HCN1: variants seen among roughly 807,000 people sequenced by gnomAD.
HCN1 encodes potassium/sodium hyperpolarization-activated cyclic nucleotide-gated channel 1.
In HCN1, 13 loss-of-function variants were observed where a neutral mutation model predicts 78.9. That is an observed-to-expected ratio of 0.16 (90% confidence interval 0.11 to 0.26). HCN1 has a LOEUF of 0.26. Among genes scored for constraint, HCN1 ranks in the 10% least tolerant of loss-of-function variants. HCN1 has a pLI of 1.00. For synonymous variants in HCN1, 552 were observed against 455.5 expected (o/e 1.21, Z -2.70); for missense variants, 810 against 1,154.3 (o/e 0.70, Z 4.32).
intron 4 of HCN1, among the ~76,000 whole-genome samples, chr5:45,369,034 C>T (rs1296279555): frequency 6.6e-6 from 1 of 151,766 alleles, no homozygotes; most frequent in Non-Finnish European, 1.5e-5. Flanking sequence ...GTTTTGTTGT[C>T]ACTCTTATTT....
chr5:45,298,861 T>G (rs1316896549), intron 6 of HCN1, among the ~76,000 whole-genome samples: 4 of 151,884 alleles, frequency 2.6e-5, no homozygotes, highest in African/African-American at 9.7e-5. Context: ...AAACCCTAAC[T>G]CAAGTTAGAT....
At chr5:45,560,977 T>G (rs187845997) in intron 2 of HCN1, among the ~76,000 whole-genome samples, 1 of 152,124 alleles carries the variant, frequency 6.6e-6, no homozygotes, top group Non-Finnish European at 1.5e-5. Flanking sequence ...ATTCTAAACT[T>G]TTCATATTCA....
chr5:45,683,672 CT>C (rs879673630), intron 1 of HCN1, among the ~76,000 whole-genome samples: 522 of 143,446 alleles, frequency 3.6e-3, no homozygotes, highest in Admixed American at 4.2e-3. Flanking sequence ...TATGTTTTGT[CT>C]TTTTTTTTTT....
At chr5:45,266,704 A>ACTTTTTT (rs1554014620) in intron 7 of HCN1, among the ~76,000 whole-genome samples, 1 of 136,638 alleles carries the variant, frequency 7.3e-6, no homozygotes, top group African/African-American at 2.7e-5. Context: ...GGCATGTGGG[A>ACTTTTTT]TTTTTTTTTT....
chr5:45,374,046 TTA>T (rs1179685673), intron 4 of HCN1, among the ~76,000 whole-genome samples: 74 of 91,230 alleles, frequency 8.1e-4, no homozygotes, highest in Non-Finnish European at 1.1e-3. Context: ...ATAATATATA[TTA>T]TATATATTAT....
At chr5:45,686,816 C>T (rs115576496) in intron 1 of HCN1, among the ~76,000 whole-genome samples, 3,761 of 152,122 alleles carry the variant, frequency 0.025, 70 homozygotes, top group Non-Finnish European at 0.04. Context: ...TTTGCTTTAC[C>T]GCCCCAGTCT....
At chr5:45,573,901 A>AT (rs1743885518) in intron 2 of HCN1, among the ~76,000 whole-genome samples, 1 of 152,112 alleles carries the variant, frequency 6.6e-6, no homozygotes, top group Admixed American at 6.6e-5. Flanking sequence ...AAAGATATTT[A>AT]TTTTATGAGA....
chr5:45,644,390 G>A (rs993227508), intron 2 of HCN1: 2 of 152,022 alleles, frequency 1.3e-5, no homozygotes, highest in Non-Finnish European at 2.9e-5. Context: ...TTGAAGATAG[G>A]GATATGAACT....
At chr5:45,302,192 G>C (rs1228550125) in intron 6 of HCN1, among the ~76,000 whole-genome samples, 1 of 152,066 alleles carries the variant, frequency 6.6e-6, no homozygotes, top group Non-Finnish European at 1.5e-5. Context: ...CATGTGTTAA[G>C]GGCGGTGGGA....
intron 3 of HCN1, among the ~76,000 whole-genome samples, chr5:45,431,546 C>A (rs1740463348): frequency 6.6e-6 from 1 of 152,080 alleles, no homozygotes; most frequent in South Asian, 2.1e-4. Context: ...AGGTTATCTT[C>A]CAGGGTCTTT....
chr5:45,688,963 TG>T (rs1739856582), intron 1 of HCN1, among the ~76,000 whole-genome samples: 1 of 152,010 alleles, frequency 6.6e-6, no homozygotes. Context: ...AGAGGATTAG[TG>T]GTTGCTTAAG....
chr5:45,304,924 A>G (rs941135557), intron 5 of HCN1, among the ~76,000 whole-genome samples: 1 of 152,182 alleles, frequency 6.6e-6, no homozygotes, highest in Non-Finnish European at 1.5e-5. Context: ...GGATGAAAAT[A>G]GAAATATGGA....
chr5:45,268,059 A>G (rs767489937), intron 6 of HCN1, among the ~76,000 whole-genome samples: 3 of 152,216 alleles, frequency 2.0e-5, no homozygotes, highest in Non-Finnish European at 4.4e-5. Flanking sequence ...AGAAAGTCCT[A>G]TGATCAAACA....
intron 2 of HCN1, among the ~76,000 whole-genome samples, chr5:45,604,920 G>A (rs1267819355): frequency 2.6e-5 from 4 of 151,964 alleles, no homozygotes; most frequent in African/African-American, 9.7e-5. Context: ...ATACTATTTT[G>A]CTGGTGGGGA....
intron 3 of HCN1, among the ~76,000 whole-genome samples, chr5:45,437,683 T>A (rs1740583863): frequency 1.3e-5 from 2 of 152,210 alleles, no homozygotes; most frequent in Non-Finnish European, 2.9e-5. Flanking sequence ...CTTGGAAGCT[T>A]CCTTGGCTAT....
chr5:45,405,867 T>C (rs893569693), intron 3 of HCN1, among the ~76,000 whole-genome samples: 1 of 152,170 alleles, frequency 6.6e-6, no homozygotes, highest in African/African-American at 2.4e-5. Context: ...TGTCTGATTA[T>C]TTTGAGAGTT....
At chr5:45,505,533 C>G (rs981019263) in intron 2 of HCN1, among the ~76,000 whole-genome samples, 2 of 151,958 alleles carry the variant, frequency 1.3e-5, no homozygotes, top group Non-Finnish European at 2.9e-5. Context: ...AGTCAGGTAG[C>G]GTGATGCCTC....
intron 4 of HCN1, among the ~76,000 whole-genome samples, chr5:45,377,408 T>C (rs1028077795): frequency 1.3e-5 from 2 of 152,024 alleles, no homozygotes; most frequent in South Asian, 4.1e-4. Context: ...ATGTGTTTAT[T>C]AAAAATGATC....
chr5:45,365,117 T>C (rs1747207115), intron 4 of HCN1, among the ~76,000 whole-genome samples: 1 of 152,084 alleles, frequency 6.6e-6, no homozygotes, highest in Non-Finnish European at 1.5e-5. Context: ...GAAGTCCTTT[T>C]TAAAAATAAA....
Sources: allele counts gnomAD v4.1 joint callset (sites outside exome capture counted in the v4.1 genomes callset), GRCh38; gene constraint gnomAD v4.1.1; transcripts MANE v1.5; gene names NCBI Gene and HGNC (gene_info 2026-07-23, HGNC 2026-07-21).